Variants in IGF2BP3 observed in about 807,000 individuals in gnomAD.
IGF2BP3 encodes insulin-like growth factor 2 mRNA-binding protein 3.
In IGF2BP3, 9 loss-of-function variants were observed where a neutral mutation model predicts 73.8. The observed-to-expected ratio is 0.12, with a 90% CI of 0.07 to 0.21. The LOEUF (loss-of-function observed/expected upper bound fraction) is 0.21. Ranked by LOEUF, IGF2BP3 falls within the 10% of genes least tolerant of loss-of-function variation. The pLI is 1.00. For synonymous variants in IGF2BP3, 258 were observed against 256.7 expected (o/e 1.01, Z -0.05); for missense variants, 542 against 714.0 (o/e 0.76, Z 2.75).
chr7:23,418,890 T>C (rs566122314), intron 2 of IGF2BP3, 66 bp from the exon 3 acceptor site: 50 of 1,033,186 alleles, frequency 4.8e-5, no homozygotes, highest in East Asian at 7.8e-5. Context: ...ATAGCCAACA[T>C]GGAAGTTTAG....
intron 3 of IGF2BP3, among the ~76,000 whole-genome samples, chr7:23,368,367 G>GAAAGAAAGAA (rs1186649431): frequency 6.6e-6 from 1 of 150,908 alleles, no homozygotes; most frequent in Non-Finnish European, 1.5e-5. Context: ...AAGAAAGAAA[G>GAAAGAAAGAA]AAAGAAAGAA....
chr7:23,368,771 C>G (rs749820819), intron 3 of IGF2BP3, among the ~76,000 whole-genome samples: 107 of 152,014 alleles, frequency 7.0e-4, no homozygotes, highest in Non-Finnish European at 8.4e-4. Flanking sequence ...GTCGCGCTTG[C>G]CTGTAATCCC....
In IGF2BP3 at chr7:23,467,226, T is replaced by C. The variant is rs562128528; in HGVS notation, c.236+1256A>G. On this transcript the variant is annotated intron_variant, in intron 2 of 14. Transcript: ENST00000258729. ...CCAACTCATCCTTAAAAACAAGATT[T>C]GTGAAAATGCTTTGCCTGGGAAGAG... is the stretch of plus-strand genomic sequence containing the variant. Among the ~76,000 whole-genome samples the C allele has an allele frequency of 2.6e-4, 40 of 152,282 alleles. 1 individual carries two copies. In the South Asian group the frequency reaches 6.4e-3, roughly 24 times the overall value.
In IGF2BP3 at chr7:23,435,449, GTT is replaced by G. The variant is rs367828498; in HGVS notation, c.237-16627_237-16626del. On this transcript the variant is annotated intron_variant, in intron 2 of 14. Coordinates refer to ENST00000258729, the MANE Select transcript of IGF2BP3 (RefSeq NM_006547.3). ...AAACTCTCCAGCACAAACATCTAAA[GTT>G]TTTTTTTTTTTCTTTTCTTTGAGAC... Among the ~76,000 whole-genome samples the G allele has an allele frequency of 6.7e-3, 976 of 146,408 alleles. 13 individuals carry two copies. Among genetic ancestry groups the G allele is most frequent in the African/African-American group, 0.022 (871 of 40,076 alleles).
chr7:23,421,512 G>C (rs1430986654), intron 2 of IGF2BP3, among the ~76,000 whole-genome samples: 1 of 151,106 alleles, frequency 6.6e-6, no homozygotes, highest in Non-Finnish European at 1.5e-5. Context: ...GACCAACATG[G>C]AGAAACCCCA....
rs1584021599 is a variant in IGF2BP3 at position 23,418,887 on chromosome 7, A to C, written c.237-63T>G. On this transcript the variant is annotated intron_variant, in intron 2 of 14. Transcript: ENST00000258729. The stretch of plus-strand genomic sequence containing the variant: ...CATAAAAGCAAAACAATAATAGCCA[A>C]CATGGAAGTTTAGAAACTACTTAAA... 5 of 1,052,648 alleles carry C rather than the reference A, an allele frequency of 4.7e-6. No individual in the cohort carries two copies. The East Asian group carries it at 1.3e-4, about 27-fold the overall frequency. 65.2% of individuals were successfully genotyped at this position (1,052,648 alleles called of 1,614,324 possible). A position where few individuals can be genotyped will look rare whatever the true frequency, so the allele number is the denominator to read the frequency against.
chr7:23,422,365 G>C (rs1180227901), intron 2 of IGF2BP3, among the ~76,000 whole-genome samples: 1 of 152,120 alleles, frequency 6.6e-6, no homozygotes, highest in Admixed American at 6.5e-5. Context: ...CAGCCTTTTG[G>C]GGGGCCAAGG....
chr7:23,422,369 G>A (rs1787375059), intron 2 of IGF2BP3, among the ~76,000 whole-genome samples: 1 of 152,282 alleles, frequency 6.6e-6, no homozygotes, highest in Non-Finnish European at 1.5e-5. Context: ...CTTTTGGGGG[G>A]CCAAGGTGGG....
chr7:23,332,994 A>C (rs917219729), intron 10 of IGF2BP3, among the ~76,000 whole-genome samples: 5 of 152,246 alleles, frequency 3.3e-5, no homozygotes, highest in Admixed American at 2.6e-4. Context: ...ACTAAACCTA[A>C]TGTGTAACTT....
At chr7:23,384,385 T>C (rs1786016094) in intron 3 of IGF2BP3, among the ~76,000 whole-genome samples, 1 of 152,186 alleles carries the variant, frequency 6.6e-6, no homozygotes, top group Non-Finnish European at 1.5e-5. Context: ...TGTGGTAGTA[T>C]GTATTTGTGA....
intron 10 of IGF2BP3, among the ~76,000 whole-genome samples, chr7:23,329,815 G>T (rs112344943): frequency 7.2e-5 from 11 of 152,268 alleles, no homozygotes; most frequent in African/African-American, 2.6e-4. Flanking sequence ...CCAATTTCTA[G>T]AAACTAACAA....
At chr7:23,351,264 G>T in intron 6 of IGF2BP3, 41 bp downstream of exon 6, 1 of 1,605,356 alleles carries the variant, frequency 6.2e-7, no homozygotes, top group Non-Finnish European at 8.5e-7. Context: ...GATTCCAAGG[G>T]GAATTCTCAT....
chr7:23,408,229 A>G (rs1382188486), intron 3 of IGF2BP3, among the ~76,000 whole-genome samples: 1 of 142,572 alleles, frequency 7.0e-6, no homozygotes, highest in African/African-American at 2.5e-5. Context: ...GGTCCTAGAC[A>G]GTACATTACA....
intron 2 of IGF2BP3, among the ~76,000 whole-genome samples, chr7:23,430,226 G>C (rs553307896): frequency 6.6e-6 from 1 of 152,148 alleles, no homozygotes; most frequent in East Asian, 1.9e-4. Flanking sequence ...TGGGATTACA[G>C]GCGCGCGCCA....
At position 23,321,365 on chromosome 7, in the gene IGF2BP3, G is replaced by A. The variant is rs565365403; in HGVS notation, c.1204-2111C>T. On this transcript the variant is annotated intron_variant, in intron 10 of 14. Transcript: ENST00000258729. Reference sequence around the variant, plus strand: ...CACATGAATACTGCGCTTTTCCGACGGGCTTAAAAAACGGCACACCAGGAG... The same window carrying A: ...CACATGAATACTGCGCTTTTCCGACAGGCTTAAAAAACGGCACACCAGGAG... Among the ~76,000 whole-genome samples the A allele has an allele frequency of 6.1e-4, 93 of 152,304 alleles. 1 individual carries two copies. Among genetic ancestry groups the A allele is most frequent in the South Asian group, 1.2e-3 (6 of 4,820 alleles).
chr7:23,371,627 A>G (rs1785550675), intron 3 of IGF2BP3, among the ~76,000 whole-genome samples: 1 of 152,230 alleles, frequency 6.6e-6, no homozygotes, highest in Non-Finnish European at 1.5e-5. Flanking sequence ...CAAGTTAAGA[A>G]AGCCAGCACC....
chr7:23,370,440 G>T lies in IGF2BP3; in HGVS notation c.286-8699C>A, dbSNP rs576272903. Among the ~76,000 whole-genome samples the T allele has an allele frequency of 7.9e-5, 12 of 152,138 alleles. 2 individuals are homozygous for T. The South Asian group carries it at 2.3e-3, about 29-fold the overall frequency. The stretch of plus-strand genomic sequence containing the variant: ...TTTCAGAAGATGGAACAACAATGTC[G>T]GGCATTATAGTCTGTGTACCAATAT... On this transcript the variant is annotated intron_variant, in intron 3 of 14. Transcript: ENST00000258729.
chr7:23,362,617 A>G (rs1785259976), intron 3 of IGF2BP3: 1 of 152,224 alleles, frequency 6.6e-6, no homozygotes, highest in Middle Eastern at 3.2e-3. Context: ...TATAATATCA[A>G]CTGCAGATGT....
At chr7:23,328,594 A>T (rs1051757207) in intron 10 of IGF2BP3, among the ~76,000 whole-genome samples, 2 of 152,258 alleles carry the variant, frequency 1.3e-5, no homozygotes, top group African/African-American at 4.8e-5. Flanking sequence ...CCTATTTTCC[A>T]ATAAAATTGA....
Sources: gnomAD v4.1 joint callset for allele counts (sites outside exome capture counted in the v4.1 genomes callset) on GRCh38, gnomAD v4.1.1 for gene constraint, MANE v1.5 for transcripts, NCBI Gene and HGNC (gene_info 2026-07-23, HGNC 2026-07-21) for gene names.